PPP1R16A: variants seen among roughly 807,000 people sequenced by gnomAD.
PPP1R16A encodes the protein myosin phosphatase-targeting subunit 3.
PPP1R16A carries 39 observed loss-of-function variants against 46.6 expected under a neutral mutation model. The observed-to-expected ratio is 0.84, with a 90% CI of 0.65 to 1.09. The LOEUF is 1.09. PPP1R16A is among the 50% of genes least tolerant of loss of function. The pLI, the probability that PPP1R16A is intolerant of heterozygous loss-of-function variation, is 0.00. For missense variants in PPP1R16A, 798 were observed against 735.6 expected, an observed-to-expected ratio of 1.08 and a Z score of -0.98; for synonymous variants, 413 against 321.5, an observed-to-expected ratio of 1.28 and a Z score of -3.04.
At position 144,493,748 on chromosome 8, in the gene PPP1R16A, G is replaced by A. The variant is rs1388415535; in HGVS notation, c.-734-2713G>A. Among the ~76,000 whole-genome samples, 2 of 152,152 alleles carry A rather than the reference G, an allele frequency of 1.3e-5. No homozygotes were observed. Among genetic ancestry groups the A allele is most frequent in the African/African-American group, 4.8e-5 (2 of 41,450 alleles). ...GCCCTGGGCTCACTTTGGGTACCTC[G>A]TTTTCTCTTAGAGGAGGCAGTTGGA... is the stretch of plus-strand genomic sequence containing the variant. On this transcript the variant is annotated intron_variant, in intron 2 of 11. Transcript: ENST00000435887. The surrounding 1 kb of genome is among the most constrained non-coding windows in gnomAD (Gnocchi z 4.3).
chr8:144,485,356 C>G (rs906262580), intron 1 of PPP1R16A, among the ~76,000 whole-genome samples: 1 of 151,160 alleles, frequency 6.6e-6, no homozygotes. Context: ...AACCGTGTCT[C>G]TACTGAAAAT....
rs1392644990 is a variant in PPP1R16A at position 144,500,354 on chromosome 8, C to T, written c.668C>T (p.Ala223Val). Reference sequence around the variant, plus strand: ...ATCCGGAGCCGGCTGCAGGCCGGGGCAGACCTCCATGCCCCCCTGGACCAC... The same window carrying T: ...ATCCGGAGCCGGCTGCAGGCCGGGGTAGACCTCCATGCCCCCCTGGACCAC... ...DDIRSRLQAG[A>V]DLHAPLDHGA... is the part of the protein sequence containing the mutation. Residue 223 changes from alanine (A) to valine (V), a missense_variant, in exon 7 of 12, where the codon GCA (alanine) becomes GTA (valine). Transcript: ENST00000435887. 3.3e-6 allele frequency: 5 copies of T among 1,534,922 alleles called. No individual in the cohort carries two copies. The highest frequency in any genetic ancestry group is 4.4e-6 in the Non-Finnish European group (5 of 1,145,980).
Position 144,501,504 on chromosome 8 carries a change from C to G in PPP1R16A, c.1204-16C>G, listed in dbSNP as rs1437259109. Reference sequence around the variant, plus strand: ...GAGGAGCCTCCTGATGGCTCTGGGACCTTCACTGCCCGCAGGAGGACAACC... The same window carrying G: ...GAGGAGCCTCCTGATGGCTCTGGGAGCTTCACTGCCCGCAGGAGGACAACC... On this transcript the variant is annotated splice_polypyrimidine_tract_variant and intron_variant, in intron 11 of 11. Coordinates refer to ENST00000435887, the MANE Select transcript of PPP1R16A (RefSeq NM_001329443.2). 2 of 1,525,548 alleles carry G rather than the reference C, an allele frequency of 1.3e-6. No homozygotes were observed. Among genetic ancestry groups the G allele is most frequent in the Admixed American group, 4.0e-5 (2 of 49,386 alleles). The allele number at this position is 1,525,548 out of a possible 1,614,324, so 94.5% of individuals were successfully genotyped here. A position where few individuals can be genotyped will look rare whatever the true frequency, so the allele number is the denominator to read the frequency against.
rs1020703862 is a variant in PPP1R16A, at chr8:144,493,174, C to T, written c.-735+2962C>T. ...CAGTGAGGGGACGGTGGGTGGGGGT[C>T]GGGGACAGTGCCCAGTATCCTCCAT... On this transcript the variant is annotated intron_variant, in intron 2 of 11. Coordinates refer to ENST00000435887, the MANE Select transcript of PPP1R16A (RefSeq NM_001329443.2). The surrounding 1 kb of genome is among the most constrained non-coding windows in gnomAD (Gnocchi z 4.3). Among the ~76,000 whole-genome samples the T allele has an allele frequency of 2.6e-5, 4 of 151,982 alleles. No individual in the cohort carries two copies. Among genetic ancestry groups the T allele is most frequent in the Non-Finnish European group, 5.9e-5 (4 of 67,946 alleles).
rs898504963 is a variant in PPP1R16A at position 144,499,962 on chromosome 8, C to T, written c.477-134C>T. ...CGATGGGCCCCAAGGCTGCCTCTCC[C>T]AGCAGCAGGTGGACAGGGTGCCTCC... On this transcript the variant is annotated intron_variant, in intron 5 of 11. Coordinates refer to ENST00000435887, the MANE Select transcript of PPP1R16A (RefSeq NM_001329443.2). The T allele has an allele frequency of 9.5e-6, 8 of 842,912 alleles. No individual in the cohort carries two copies. In the African/African-American group the frequency reaches 1.4e-4, roughly 14 times the overall value. 52.2% of individuals were successfully genotyped at this position (842,912 alleles called of 1,614,324 possible).
At chr8:144,497,709 CTG>C (rs1385742440) in intron 3 of PPP1R16A, 5 of 623,820 alleles carry the variant, frequency 8.0e-6, no homozygotes, top group Non-Finnish European at 1.5e-5. Context: ...AGGGCTCCTG[CTG>C]TGAGGTGAGC....
chr8:144,486,708 A>G (rs1340681334), intron 1 of PPP1R16A, among the ~76,000 whole-genome samples: 1 of 151,870 alleles, frequency 6.6e-6, no homozygotes, highest in Non-Finnish European at 1.5e-5. Flanking sequence ...GGATCGTTTC[A>G]TTTTTACTGC....
intron 3 of PPP1R16A, chr8:144,497,890 G>A (rs969220227): frequency 2.7e-6 from 1 of 369,610 alleles, no homozygotes; most frequent in South Asian, 2.0e-5. Flanking sequence ...GGGTGAGAGA[G>A]CCAGGCCCTG....
intron 10 of PPP1R16A, 30 bp downstream of exon 10, chr8:144,501,001 C>G (rs1163060507): frequency 3.1e-5 from 44 of 1,436,664 alleles, no homozygotes; most frequent in South Asian, 9.0e-5. Context: ...GGCCCCGCCC[C>G]GGGCTTGGCC....
intron 1 of PPP1R16A, among the ~76,000 whole-genome samples, chr8:144,485,174 A>G (rs1825589088): frequency 2.2e-5 from 3 of 137,950 alleles, no homozygotes; most frequent in Admixed American, 1.5e-4. Context: ...GACAGGCTCA[A>G]GGATTGACAA....
Position 144,499,039 on chromosome 8 carries a change from C to T in PPP1R16A, c.454C>T (p.Leu152=). 1 of 1,584,622 alleles carries T rather than the reference C, an allele frequency of 6.3e-7. No individual in the cohort carries two copies. The highest frequency in any genetic ancestry group is 8.6e-7 in the Non-Finnish European group (1 of 1,161,856). The change falls in exon 5 of 12, where the codon CTG becomes TTG. Residue 152 remains leucine, a synonymous_variant. Transcript: ENST00000435887. The part of the protein sequence containing the change: ...HAAATCGHLH[L]VELLIASGAN... ...TGCGGCCACCTGCGGCCACCTGCACCTGGTGGAGCTGCTCATCGCCAGGTA... is the reference window on the plus strand; with the variant it reads ...TGCGGCCACCTGCGGCCACCTGCACTTGGTGGAGCTGCTCATCGCCAGGTA...
chr8:144,501,146 T>C lies in PPP1R16A; in HGVS notation c.1055T>C (p.Val352Ala), dbSNP rs529923184. 1 of 1,606,700 alleles carries C rather than the reference T, an allele frequency of 6.2e-7. No homozygotes were observed. The highest frequency in any genetic ancestry group is 1.3e-5 in the African/African-American group (1 of 74,738). The part of the protein sequence containing the change: ...AGSRGKVVRR[V>A]SLTQRTDLYR... The stretch of plus-strand genomic sequence containing the variant: ...CTCCCCAGGAAGGTGGTGAGGCGGG[T>C]GAGCCTAACCCAGCGCACCGACCTG... Residue 352 changes from valine (V) to alanine (A), a missense_variant, in exon 11 of 12, where the codon GTG (valine) becomes GCG (alanine). Coordinates refer to ENST00000435887, the MANE Select transcript of PPP1R16A (RefSeq NM_001329443.2).
chr8:144,497,734 T>C, intron 3 of PPP1R16A: 1 of 567,134 alleles, frequency 1.8e-6, no homozygotes, highest in Non-Finnish European at 3.2e-6. Context: ...AGGCCATGAG[T>C]GGACCCCCAG....
In PPP1R16A at chr8:144,500,169, G is replaced by A. The variant is rs748964695; in HGVS notation, c.550G>A (p.Asp184Asn). ...YDLCDDEQTL[D>N]CLETAMADRG... The stretch of plus-strand genomic sequence containing the variant: ...CCTGTGTGATGATGAGCAGACGCTG[G>A]ACTGCCTGGAGACTGCCATGGCCGA... The change falls in exon 6 of 12, where the codon GAC (aspartate) becomes AAC (asparagine). Residue 184 changes from aspartate (D) to asparagine (N), a missense_variant. By Grantham distance (23) the Asp-to-Asn change is conservative (BLOSUM62 1). Coordinates refer to ENST00000435887, the MANE Select transcript of PPP1R16A (RefSeq NM_001329443.2). The A allele has an allele frequency of 6.2e-7, 1 of 1,611,422 alleles. No individual in the cohort carries two copies. Among genetic ancestry groups the A allele is most frequent in the African/African-American group, 1.3e-5 (1 of 74,908 alleles).
chr8:144,487,794 G>A (rs969667590), intron 1 of PPP1R16A, among the ~76,000 whole-genome samples: 8 of 152,282 alleles, frequency 5.3e-5, no homozygotes, highest in African/African-American at 1.7e-4. Context: ...CTTCAAATTT[G>A]TTCTCTTTCA....
intron 2 of PPP1R16A, among the ~76,000 whole-genome samples, chr8:144,490,815 G>A (rs1164337859): frequency 6.6e-6 from 1 of 152,214 alleles, no homozygotes; most frequent in African/African-American, 2.4e-5. Context: ...AACACTTTGG[G>A]AGGCTGAGGC....
At chr8:144,499,425 G>A (rs1224024086) in intron 5 of PPP1R16A, 2 of 292,624 alleles carry the variant, frequency 6.8e-6, no homozygotes, top group Non-Finnish European at 6.4e-6. Flanking sequence ...CTGAGCACAG[G>A]TAGGGCCTTT....
chr8:144,478,091 C>A lies in PPP1R16A; in HGVS notation c.-950C>A. 2.5e-6 allele frequency: 1 copy of A among 395,756 alleles called. No homozygotes were observed. Among genetic ancestry groups the A allele is most frequent in the Non-Finnish European group, 4.5e-6 (1 of 224,128 alleles). 24.5% of individuals were successfully genotyped at this position (395,756 alleles called of 1,614,324 possible). On this transcript the variant is annotated 5_prime_UTR_variant, in exon 1 of 12. Coordinates refer to ENST00000435887, the MANE Select transcript of PPP1R16A (RefSeq NM_001329443.2). ...GGGCCCACTGACCCGCGGAAGCCAG[C>A]GGACCCACTTGTGCGGCGGTCGGCG... is the stretch of plus-strand genomic sequence containing the variant.
At chr8:144,497,477 A>G (rs1477799669) in intron 3 of PPP1R16A, 24 bp downstream of exon 3, 2 of 1,610,730 alleles carry the variant, frequency 1.2e-6, no homozygotes, top group Non-Finnish European at 1.7e-6. Flanking sequence ...AGCCCAGAGC[A>G]GCTCCCAGCA....
Sources: allele counts gnomAD v4.1 joint callset (sites outside exome capture counted in the v4.1 genomes callset), GRCh38; gene constraint gnomAD v4.1.1; non-coding constraint Gnocchi (gnomAD v3.1); transcripts MANE v1.5; gene names NCBI Gene and HGNC (gene_info 2026-07-23, HGNC 2026-07-21).